RALYL: variants seen among roughly 807,000 people sequenced by gnomAD.
RALYL encodes the protein RALY RNA binding protein like, also known as RNA-binding Raly-like protein.
Under a neutral mutation model 35.1 loss-of-function variants are expected in RALYL, and 29 were observed. That is an observed-to-expected ratio of 0.83 (90% CI 0.61 to 1.13). The LOEUF is 1.13. Among genes scored for constraint, RALYL ranks in the 50% most tolerant of loss-of-function variants. RALYL has a pLI of 0.00. For synonymous variants in RALYL, 120 were observed against 127.6 expected (o/e 0.94, Z 0.40); for missense variants, 359 against 360.4 (o/e 1.00, Z 0.03).
chr8:84,335,568 G>T (rs1340819234), intron 1 of RALYL, among the ~76,000 whole-genome samples: 1 of 151,710 alleles, frequency 6.6e-6, no homozygotes, highest in Non-Finnish European at 1.5e-5. Flanking sequence ...GTATTGAATC[G>T]TCTCTCTTAC....
chr8:84,843,791 C>G (rs1476497783), intron 4 of RALYL, among the ~76,000 whole-genome samples: 1 of 152,138 alleles, frequency 6.6e-6, no homozygotes, highest in East Asian at 1.9e-4. Flanking sequence ...TGGAACAGAA[C>G]AGAGCCCTCA....
intron 1 of RALYL, among the ~76,000 whole-genome samples, chr8:84,433,861 AT>A (rs58475061): frequency 0.017 from 2,486 of 150,548 alleles, 65 homozygotes; most frequent in African/African-American, 0.055. Flanking sequence ...ATATATATAT[AT>A]AATACCATGT....
intron 2 of RALYL, among the ~76,000 whole-genome samples, chr8:84,628,467 G>A (rs1293369324): frequency 6.6e-6 from 1 of 152,076 alleles, no homozygotes; most frequent in African/African-American, 2.4e-5. Context: ...AAATTCCTTT[G>A]AGGGTAGACA....
chr8:84,408,908 G>GA (rs557186146), intron 1 of RALYL, among the ~76,000 whole-genome samples: 2,582 of 150,454 alleles, frequency 0.017, 72 homozygotes, highest in African/African-American at 0.059. Context: ...AACTATGTAA[G>GA]AAAAAAAAAG....
At chr8:84,521,106 G>A (rs1452387476) in intron 1 of RALYL, among the ~76,000 whole-genome samples, 1 of 152,178 alleles carries the variant, frequency 6.6e-6, no homozygotes, top group Admixed American at 6.5e-5. Context: ...GATATTTGAA[G>A]GTGGGGCCTT....
intron 4 of RALYL, among the ~76,000 whole-genome samples, chr8:84,831,584 G>A (rs1041825582): frequency 6.6e-6 from 1 of 152,048 alleles, no homozygotes; most frequent in Non-Finnish European, 1.5e-5. Context: ...CTTTATGGAA[G>A]GGTTAAAGTG....
intron 1 of RALYL, among the ~76,000 whole-genome samples, chr8:84,408,421 T>C (rs995125950): frequency 6.6e-6 from 1 of 152,182 alleles, no homozygotes; most frequent in Non-Finnish European, 1.5e-5. Context: ...AGTAATAAAA[T>C]ATGTCATCCA....
In RALYL at chr8:84,725,910, T is replaced by C. The variant is rs373084129; in HGVS notation, c.257-48669T>C. ...TTAATAGTATTAAGCAATCTTAGTTTGAAATCATCAGTTTCGTTTAAATTT... is the reference window on the plus strand; with the variant it reads ...TTAATAGTATTAAGCAATCTTAGTTCGAAATCATCAGTTTCGTTTAAATTT... On this transcript the variant is annotated intron_variant, in intron 2 of 8. Transcript: ENST00000521268. Among the ~76,000 whole-genome samples, 46 of 151,812 alleles carry C rather than the reference T, an allele frequency of 3.0e-4. No individual in the cohort carries two copies. The East Asian group carries it at 6.9e-3, about 23-fold the overall frequency.
chr8:84,373,500 G>C (rs908168446), intron 1 of RALYL, among the ~76,000 whole-genome samples: 2 of 151,882 alleles, frequency 1.3e-5, no homozygotes, highest in African/African-American at 2.4e-5. Flanking sequence ...GCTTGTTTTT[G>C]TCAGCTTTGT....
chr8:84,522,740 A>G (rs938619815), intron 1 of RALYL, among the ~76,000 whole-genome samples: 1 of 152,162 alleles, frequency 6.6e-6, no homozygotes, highest in Non-Finnish European at 1.5e-5. Flanking sequence ...ACTTCAGCAG[A>G]TTATAACTTT....
chr8:84,713,250 C>G (rs925195517), intron 2 of RALYL, among the ~76,000 whole-genome samples: 12 of 151,966 alleles, frequency 7.9e-5, no homozygotes, highest in African/African-American at 2.9e-4. Context: ...TTTGGTAGAT[C>G]AGTTGACTAA....
At chr8:84,766,492 G>C (rs1374318903) in intron 2 of RALYL, among the ~76,000 whole-genome samples, 2 of 150,626 alleles carry the variant, frequency 1.3e-5, no homozygotes, top group East Asian at 3.9e-4. Flanking sequence ...AGGAGATCAA[G>C]ACCATCCTGG....
At position 84,235,405 on chromosome 8, in the gene RALYL, T is replaced by G. The variant is rs180941439; in HGVS notation, c.-24+50981T>G. ...TTTGAAATATGCCCCTTTTACTTCA[T>G]GTACCAATTATATTTCAGATTGCCA... On this transcript the variant is annotated intron_variant, in intron 1 of 8. Transcript: ENST00000521268. 2.0e-5 allele frequency among the ~76,000 whole-genome samples: 3 copies of G among 152,352 alleles called. No individual in the cohort carries two copies. In the East Asian group the frequency reaches 5.8e-4, roughly 29 times the overall value.
intron 1 of RALYL, among the ~76,000 whole-genome samples, chr8:84,424,806 G>A (rs1380652505): frequency 6.6e-6 from 1 of 152,074 alleles, no homozygotes; most frequent in Non-Finnish European, 1.5e-5. Context: ...GGAATACCCT[G>A]CTGTGTGAGG....
intron 2 of RALYL, among the ~76,000 whole-genome samples, chr8:84,570,705 G>T (rs912125320): frequency 6.6e-6 from 1 of 151,916 alleles, no homozygotes; most frequent in African/African-American, 2.4e-5. Flanking sequence ...CATTCAACAT[G>T]ATGCTGGCTG....
intron 1 of RALYL, among the ~76,000 whole-genome samples, chr8:84,352,428 G>C (rs1291370322): frequency 6.7e-6 from 1 of 150,304 alleles, no homozygotes; most frequent in Non-Finnish European, 1.5e-5. Context: ...ATAAAATTAG[G>C]ATATTTGAAG....
At chr8:84,306,614 A>T (rs1322691840) in intron 1 of RALYL, among the ~76,000 whole-genome samples, 1 of 152,132 alleles carries the variant, frequency 6.6e-6, no homozygotes, top group East Asian at 1.9e-4. Flanking sequence ...AAACTCATGC[A>T]TGGACACAAA....
intron 1 of RALYL, among the ~76,000 whole-genome samples, chr8:84,283,538 T>TG (rs572357241): frequency 5.9e-5 from 9 of 152,248 alleles, no homozygotes; most frequent in Non-Finnish European, 1.3e-4. Flanking sequence ...GTAATTAACA[T>TG]GGGGAAGAAA....
At chr8:84,393,354 C>T (rs1861123988) in intron 1 of RALYL, among the ~76,000 whole-genome samples, 2 of 152,020 alleles carry the variant, frequency 1.3e-5, no homozygotes, top group African/African-American at 4.8e-5. Context: ...GCCCTCAGTT[C>T]CTTGACAGGT....
Sources: gnomAD v4.1 joint callset for allele counts (sites outside exome capture counted in the v4.1 genomes callset) on GRCh38, gnomAD v4.1.1 for gene constraint, MANE v1.5 for transcripts, NCBI Gene and HGNC (gene_info 2026-07-23, HGNC 2026-07-21) for gene names.